Variants in RBFOX3 observed in about 807,000 individuals in gnomAD.
RBFOX3 encodes the protein RNA binding protein fox-1 homolog 3.
In RBFOX3, 17 loss-of-function variants were observed where a neutral mutation model predicts 48.7. That is an observed-to-expected ratio of 0.35 (90% confidence interval 0.24 to 0.52). RBFOX3 has a LOEUF of 0.52. Among genes scored for constraint, RBFOX3 ranks in the 20% least tolerant of loss-of-function variants. RBFOX3 has a pLI of 0.94. For synonymous variants in RBFOX3, 212 were observed against 209.5 expected, an observed-to-expected ratio of 1.01 and a Z score of -0.10; for missense variants, 382 against 497.5, an observed-to-expected ratio of 0.77 and a Z score of 2.21.
At chr17:79,347,107 C>G (rs1199951962) in intron 2 of RBFOX3, among the ~76,000 whole-genome samples, 1 of 152,158 alleles carries the variant, frequency 6.6e-6, no homozygotes, top group Non-Finnish European at 1.5e-5. Flanking sequence ...ATCTGAATGA[C>G]AATTTGGCTG....
intron 2 of RBFOX3, among the ~76,000 whole-genome samples, chr17:79,318,854 C>CAAAAAAAA (rs71161660): frequency 4.0e-4 from 13 of 32,524 alleles, no homozygotes; most frequent in Admixed American, 5.1e-4. Flanking sequence ...GACTCCATCT[C>CAAAAAAAA]AAAAAAAAAA....
chr17:79,091,690 C>G (rs759185435), intron 14 of RBFOX3, among the ~76,000 whole-genome samples: 11 of 152,200 alleles, frequency 7.2e-5, no homozygotes, highest in South Asian at 2.1e-4. Flanking sequence ...GAGGACCCCT[C>G]CTTCCGGAAT....
intron 4 of RBFOX3, among the ~76,000 whole-genome samples, chr17:79,226,409 T>G (rs2060315719): frequency 6.6e-6 from 1 of 152,210 alleles, no homozygotes; most frequent in Non-Finnish European, 1.5e-5. Flanking sequence ...ATGACCATCT[T>G]TGCTCAGCCT....
chr17:79,322,427 T>C (rs1385181019), intron 2 of RBFOX3, among the ~76,000 whole-genome samples: 1 of 152,136 alleles, frequency 6.6e-6, no homozygotes, highest in East Asian at 1.9e-4. Context: ...AGCACAGAGC[T>C]TGGCACCAAG....
At chr17:79,183,465 C>CT (rs2052648024) in intron 4 of RBFOX3, 1 of 149,062 alleles carries the variant, frequency 6.7e-6, no homozygotes, top group Non-Finnish European at 1.5e-5. Flanking sequence ...CGGTCTCTCT[C>CT]CTCCTCCTCC....
rs1426367238 is a variant in RBFOX3, at chr17:79,477,327, C to T, written c.-175+5127G>A. Among the ~76,000 whole-genome samples, 37 of 147,484 alleles carry T rather than the reference C, an allele frequency of 2.5e-4. No individual in the cohort carries two copies. The East Asian group carries it at 3.9e-3, about 16-fold the overall frequency. Reference sequence around the variant, plus strand: ...ATCCCAGCACTTTGGGAGGCCAAGGCAGGTGGATCACGAGGTCAGGAGATC... The same window carrying T: ...ATCCCAGCACTTTGGGAGGCCAAGGTAGGTGGATCACGAGGTCAGGAGATC... On this transcript the variant is annotated intron_variant, in intron 2 of 14. Transcript: ENST00000693108. This position sits in a 1 kb window ranked among gnomAD's most constrained non-coding sequence, Gnocchi z 4.8.
At chr17:79,217,840 C>T (rs1443185164) in intron 4 of RBFOX3, among the ~76,000 whole-genome samples, 1 of 152,244 alleles carries the variant, frequency 6.6e-6, no homozygotes, top group Non-Finnish European at 1.5e-5. Flanking sequence ...TTCAGATTAA[C>T]CTTGGAGCAG....
At chr17:79,559,919 T>C (rs1208819030) in intron 1 of RBFOX3, among the ~76,000 whole-genome samples, 3 of 122,640 alleles carry the variant, frequency 2.4e-5, no homozygotes, top group Non-Finnish European at 3.4e-5. Flanking sequence ...AGTGGATGAA[T>C]AGATGGGTGG....
intron 2 of RBFOX3, among the ~76,000 whole-genome samples, chr17:79,373,587 C>T (rs1407963636): frequency 5.9e-5 from 9 of 152,052 alleles, no homozygotes; most frequent in Non-Finnish European, 1.3e-4. Flanking sequence ...GAGGACTTGA[C>T]GCCTGCTGGC....
In RBFOX3 at chr17:79,214,453, G is replaced by C. The variant is rs2058752512; in HGVS notation, c.-34+21313C>G. On this transcript the variant is annotated intron_variant, in intron 4 of 14. Transcript: ENST00000693108. The surrounding 1 kb of genome is among the most constrained non-coding windows in gnomAD (Gnocchi z 4.7). ...TGAGAAAAGTGATGCAAAGCCCTTT[G>C]GATCAGTGTGACTGGGAGGACGCTG... Among the ~76,000 whole-genome samples, 1 of 152,118 alleles carries C rather than the reference G, an allele frequency of 6.6e-6. No individual in the cohort carries two copies. The highest frequency in any genetic ancestry group is 2.4e-5 in the African/African-American group (1 of 41,428).
chr17:79,654,850 C>T, the RBFOX3 span, among the ~76,000 whole-genome samples: 929 of 152,270 alleles, frequency 6.1e-3, 12 homozygotes, highest in African/African-American at 0.021. Flanking sequence ...TGGGCCTCTC[C>T]CTCTCTCTGA....
At chr17:79,129,135 CTGCTGA>C (rs1724460747) in intron 4 of RBFOX3, among the ~76,000 whole-genome samples, 1 of 152,184 alleles carries the variant, frequency 6.6e-6, no homozygotes. Context: ...GATGCTGCTG[CTGCTGA>C]TGATGATAAT....
intron 1 of RBFOX3, among the ~76,000 whole-genome samples, chr17:79,603,191 C>G (rs1345087806): frequency 6.6e-6 from 1 of 152,066 alleles, no homozygotes; most frequent in African/African-American, 2.4e-5. Flanking sequence ...GGGGTTTCAC[C>G]ATGTTGACCA....
chr17:79,191,704 G>C (rs926919223), intron 4 of RBFOX3, among the ~76,000 whole-genome samples: 2 of 152,210 alleles, frequency 1.3e-5, no homozygotes, highest in African/African-American at 4.8e-5. Flanking sequence ...CTTGTCCCAG[G>C]ACTCAAGGGA....
chr17:79,092,955 A>G lies in RBFOX3; in HGVS notation c.1077+1496T>C, dbSNP rs534656189. Among the ~76,000 whole-genome samples the G allele has an allele frequency of 1.3e-3, 174 of 135,590 alleles. 1 individual carries two copies. Among genetic ancestry groups the G allele is most frequent in the Non-Finnish European group, 2.1e-3 (138 of 64,328 alleles). The allele number at this position is 135,590 out of a possible 152,430, so 89.0% of individuals were successfully genotyped here. ...GCCTGGCCTCTCACTGTCCTTATGC[A>G]GAGGGGGGGTCCCAGCTTGAGCCCC... On this transcript the variant is annotated intron_variant, in intron 14 of 14. Coordinates refer to ENST00000693108, the MANE Select transcript of RBFOX3 (RefSeq NM_001350451.2).
chr17:79,317,407 T>G (rs2077689293), intron 2 of RBFOX3, among the ~76,000 whole-genome samples: 1 of 152,230 alleles, frequency 6.6e-6, no homozygotes, highest in Admixed American at 6.5e-5. Context: ...TTTGAGCTGG[T>G]GAAGCCCCCA....
chr17:79,315,599 G>A (rs190957717), intron 2 of RBFOX3, among the ~76,000 whole-genome samples: 66 of 152,348 alleles, frequency 4.3e-4, no homozygotes, highest in African/African-American at 1.5e-3. Context: ...GATCTCACAC[G>A]GTTACACTTT....
intron 1 of RBFOX3, among the ~76,000 whole-genome samples, chr17:79,531,018 C>T (rs2087677432): frequency 6.6e-6 from 1 of 152,234 alleles, no homozygotes; most frequent in African/African-American, 2.4e-5. Flanking sequence ...TATTCTTGGC[C>T]CTCTACCCTA....
intron 3 of RBFOX3, among the ~76,000 whole-genome samples, chr17:79,240,807 G>A (rs1225695685): frequency 6.6e-6 from 1 of 151,898 alleles, no homozygotes; most frequent in Admixed American, 6.6e-5. Flanking sequence ...GGGACTACAG[G>A]CACCCGCCAC....
Sources: allele counts gnomAD v4.1 joint callset (sites outside exome capture counted in the v4.1 genomes callset), GRCh38; gene constraint gnomAD v4.1.1; non-coding constraint Gnocchi (gnomAD v3.1); transcripts MANE v1.5; gene names NCBI Gene and HGNC (gene_info 2026-07-23, HGNC 2026-07-21).